Variants in ZNF836 observed in about 807,000 individuals in gnomAD.
ZNF836 encodes zinc finger protein 836.
ZNF836 carries 12 observed loss-of-function variants against 7.4 expected under a neutral mutation model. The observed-to-expected ratio is 1.61, with a 90% CI of 1.03 to 2.61. The LOEUF (loss-of-function observed/expected upper bound fraction) is 2.61. Ranked by LOEUF, ZNF836 falls within the 30% of genes most tolerant of loss-of-function variation. The pLI, the probability that ZNF836 is intolerant of heterozygous loss-of-function variation, is 0.00. For missense variants in ZNF836, 998 were observed against 1,126.2 expected, an observed-to-expected ratio of 0.89 and a Z score of 1.63; for synonymous variants, 365 against 382.6, an observed-to-expected ratio of 0.95 and a Z score of 0.54.
chr19:52,165,699 G>T (rs1439172637), intron 3 of ZNF836, among the ~76,000 whole-genome samples: 1 of 152,128 alleles, frequency 6.6e-6, no homozygotes, highest in Non-Finnish European at 1.5e-5. Context: ...TGCTTTGCTA[G>T]ATCTGGCAAG....
intron 3 of ZNF836, among the ~76,000 whole-genome samples, chr19:52,166,666 T>C (rs895889056): frequency 6.0e-5 from 9 of 149,822 alleles, no homozygotes; most frequent in Admixed American, 5.4e-4. Flanking sequence ...CTCCACCTCC[T>C]GGGTTCATGC....
At chr19:52,164,235 T>C (rs1269706881) in intron 3 of ZNF836, among the ~76,000 whole-genome samples, 3 of 151,588 alleles carry the variant, frequency 2.0e-5, no homozygotes, top group Non-Finnish European at 4.4e-5. Flanking sequence ...CTACTAAAAA[T>C]ATAAAAAATT....
chr19:52,156,583 A>C lies in ZNF836; in HGVS notation c.1100T>G (p.Phe367Cys). ...ATTTACAAGATTAGAATTCTGCCTG[A>C]AGACCTTGCCACATATATCACATTG... The part of the protein sequence containing the change: ...PYQCDICGKV[F>C]RQNSNLVNHQ... Residue 367 changes from phenylalanine to cysteine, a missense_variant, in exon 5 of 5, where the codon TTC becomes TGC. By Grantham distance (205) the Phe-to-Cys change is radical. Transcript: ENST00000682614. 1 of 1,613,450 alleles carries C rather than the reference A, an allele frequency of 6.2e-7. No individual in the cohort carries two copies. Among genetic ancestry groups the C allele is most frequent in the South Asian group, 1.1e-5 (1 of 91,038 alleles).
rs903686706 is a variant in ZNF836, at chr19:52,156,058, A to G, written c.1625T>C (p.Val542Ala). 1.2e-6 allele frequency: 2 copies of G among 1,614,032 alleles called. No individual in the cohort carries two copies. The highest frequency in any genetic ancestry group is 3.3e-5 in the Admixed American group (2 of 60,028). Residue 542 changes from valine to alanine, a missense_variant, in exon 5 of 5, where the codon GTA (valine) becomes GCA (alanine). Physicochemically the swap from Val to Ala is moderately conservative, Grantham distance 64. Coordinates refer to ENST00000682614, the MANE Select transcript of ZNF836 (RefSeq NM_001102657.3). ...CCCAGTATGAATTCTTAAATGTCTT[A>G]CAAGGCATGAATTTTCACTAAAGAC... Reference protein sequence around the residue: ...GKVFSENSCLVRHLRIHTGEQ... With the variant: ...GKVFSENSCLARHLRIHTGEQ...
intron 1 of ZNF836, among the ~76,000 whole-genome samples, chr19:52,170,819 T>G (rs1286664896): frequency 2.0e-5 from 3 of 151,880 alleles, no homozygotes; most frequent in Non-Finnish European, 4.4e-5. Flanking sequence ...ACACATTCAG[T>G]AAGAAAGGGG....
chr19:52,164,503 AAG>A (rs1207324184), intron 3 of ZNF836, among the ~76,000 whole-genome samples: 2 of 22,112 alleles, frequency 9.0e-5, no homozygotes, highest in Non-Finnish European at 2.2e-4. Flanking sequence ...AAAAGAGAGA[AAG>A]AAAGAAAGAC....
At position 52,161,408 on chromosome 19, in the gene ZNF836, C is replaced by T. The variant is rs527551337; in HGVS notation, c.16-817G>A. The stretch of plus-strand genomic sequence containing the variant: ...GATGTCTGGTGAGAGATGATCCTCG[C>T]TTCCAAGATGGTCTTGTTGCTGCAC... On this transcript the variant is annotated intron_variant, in intron 3 of 4. Transcript: ENST00000682614. The surrounding 1 kb of genome is among the most constrained non-coding windows in gnomAD (Gnocchi z 4.1). Among the ~76,000 whole-genome samples the T allele has an allele frequency of 6.6e-6, 1 of 152,066 alleles. No individual in the cohort carries two copies. Among genetic ancestry groups the T allele is most frequent in the Non-Finnish European group, 1.5e-5 (1 of 68,014 alleles).
intron 4 of ZNF836, 93 bp downstream of exon 4, chr19:52,160,372 T>C: frequency 6.5e-7 from 1 of 1,535,874 alleles, no homozygotes; most frequent in Non-Finnish European, 9.0e-7. Flanking sequence ...TCAGTCTCAG[T>C]CAAATAATGG....
intron 3 of ZNF836, 139 bp from the exon 4 acceptor site, chr19:52,160,730 G>A (rs991310902): frequency 9.7e-7 from 1 of 1,028,200 alleles, no homozygotes; most frequent in African/African-American, 1.6e-5. Context: ...AGAAGGTTAT[G>A]TGTCCCTAAT....
chr19:52,160,863 A>G (rs2089207400), intron 3 of ZNF836, among the ~76,000 whole-genome samples: 1 of 152,252 alleles, frequency 6.6e-6, no homozygotes, highest in Non-Finnish European at 1.5e-5. Flanking sequence ...CTGTATAAGT[A>G]TTAGATATTA....
At chr19:52,167,709 G>C (rs2089278113) in intron 3 of ZNF836, among the ~76,000 whole-genome samples, 1 of 152,052 alleles carries the variant, frequency 6.6e-6, no homozygotes, top group South Asian at 2.1e-4. Flanking sequence ...TCCGTGTGCA[G>C]CTTCTCTACT....
rs376470687 is a variant in ZNF836 at position 52,156,723 on chromosome 19, A to T, written c.960T>A (p.His320Gln). 8 of 1,606,628 alleles carry T rather than the reference A, an allele frequency of 5.0e-6. No homozygotes were observed. The highest frequency in any genetic ancestry group is 6.8e-6 in the Non-Finnish European group (8 of 1,174,968). ...SFSQSYNLAIHQRIHTGEKPY... is the reference protein window; with the variant it reads ...SFSQSYNLAIQQRIHTGEKPY... ...GTTTCTCTCCAGTGTGAATTCTCTGATGTATTGCAAGGTTATAACTTTGAC... is the reference window on the plus strand; with the variant it reads ...GTTTCTCTCCAGTGTGAATTCTCTGTTGTATTGCAAGGTTATAACTTTGAC... The change falls in exon 5 of 5, where the codon CAT (histidine) becomes CAA (glutamine). Residue 320 changes from histidine (H) to glutamine (Q), a missense_variant. Physicochemically the swap from His to Gln is conservative, Grantham distance 24 (BLOSUM62 0). Coordinates refer to ENST00000682614, the MANE Select transcript of ZNF836 (RefSeq NM_001102657.3).
Position 52,155,770 on chromosome 19 carries a change from A to C in ZNF836, c.1913T>G (p.Phe638Cys), listed in dbSNP as rs2089149998. The change falls in exon 5 of 5, where the codon TTT becomes TGT. Residue 638 changes from phenylalanine to cysteine, a missense_variant. Physicochemically the swap from Phe to Cys is radical, Grantham distance 205. Transcript: ENST00000682614. ...AACCTTGCCGCATTCGTTACATTGA[A>C]ACGGCTTCTCTCCAGTATGAATTCT... The part of the protein sequence containing the change: ...HKRIHTGEKP[F>C]QCNECGKVFS... The C allele has an allele frequency of 6.2e-7, 1 of 1,613,464 alleles. No individual in the cohort carries two copies. The highest frequency in any genetic ancestry group is 1.7e-5 in the Admixed American group (1 of 59,964).
At chr19:52,163,172 T>C (rs1278851394) in intron 3 of ZNF836, among the ~76,000 whole-genome samples, 2 of 152,220 alleles carry the variant, frequency 1.3e-5, no homozygotes, top group Non-Finnish European at 2.9e-5. Context: ...CTAAAATGCC[T>C]TTGGGATGAT....
chr19:52,167,029 G>C, intron 3 of ZNF836, among the ~76,000 whole-genome samples: 1 of 151,890 alleles, frequency 6.6e-6, no homozygotes, highest in African/African-American at 2.4e-5. Flanking sequence ...TAATAACAAA[G>C]GAGTTCTGCT....
At chr19:52,166,674 T>C (rs540971588) in intron 3 of ZNF836, among the ~76,000 whole-genome samples, 23 of 150,370 alleles carry the variant, frequency 1.5e-4, no homozygotes, top group Non-Finnish European at 1.9e-4. Flanking sequence ...CCTGGGTTCA[T>C]GCCATTCTCC....
chr19:52,167,917 G>A (rs543231039), intron 3 of ZNF836, 141 bp downstream of exon 3: 2 of 694,954 alleles, frequency 2.9e-6, no homozygotes, highest in African/African-American at 3.6e-5. Flanking sequence ...AATGAGATGA[G>A]AGAAACTGAG....
intron 1 of ZNF836, chr19:52,171,117 GC>G (rs1303100293): frequency 1.3e-5 from 2 of 152,310 alleles, no homozygotes; most frequent in Non-Finnish European, 2.9e-5. Context: ...CCCTCCAGGG[GC>G]TGACGACGGA....
intron 2 of ZNF836, among the ~76,000 whole-genome samples, 173 bp from the exon 3 acceptor site, chr19:52,168,325 C>A (rs964128150): frequency 6.6e-6 from 1 of 152,140 alleles, no homozygotes; most frequent in African/African-American, 2.4e-5. Flanking sequence ...TGGTGGCTCA[C>A]GCCTGTAATC....
Sources: gnomAD v4.1 joint callset for allele counts (sites outside exome capture counted in the v4.1 genomes callset) on GRCh38, gnomAD v4.1.1 for gene constraint, Gnocchi (gnomAD v3.1) non-coding constraint, MANE v1.5 for transcripts, NCBI Gene and HGNC (gene_info 2026-07-23, HGNC 2026-07-21) for gene names.